The following RGS7 variants were observed in gnomAD, a reference collection of about 807,000 sequenced individuals.
RGS7 encodes the protein regulator of G-protein signaling 7.
In RGS7, 27 loss-of-function variants were observed where a neutral mutation model predicts 81.1. The ratio of observed to expected loss-of-function variants is 0.33; its 90% CI spans 0.25 to 0.46. RGS7 has a LOEUF of 0.46. Ranked by LOEUF, RGS7 falls within the 20% of genes least tolerant of loss-of-function variation. The pLI is 1.00. For synonymous variants in RGS7, 208 were observed against 207.7 expected (o/e 1.00, Z -0.01); for missense variants, 396 against 607.4 (o/e 0.65, Z 3.66).
intron 2 of RGS7, among the ~76,000 whole-genome samples, chr1:241,184,740 A>AACGC (rs1213286406): frequency 6.6e-6 from 1 of 152,190 alleles, no homozygotes; most frequent in Non-Finnish European, 1.5e-5. Flanking sequence ...TCTCATTATG[A>AACGC]ACGTGCAAAC....
intron 2 of RGS7, among the ~76,000 whole-genome samples, chr1:241,292,676 G>A (rs1056909029): frequency 6.6e-6 from 1 of 152,170 alleles, no homozygotes; most frequent in Non-Finnish European, 1.5e-5. Context: ...TTAACAGTAG[G>A]TAGATCTGTG....
At chr1:241,220,994 G>A (rs12039594) in intron 2 of RGS7, among the ~76,000 whole-genome samples, 54,336 of 93,044 alleles carry the variant, frequency 0.58, 14,658 homozygotes, top group East Asian at 0.73. Flanking sequence ...AGGAAGGAAG[G>A]AAGAGAGAGA....
At chr1:240,998,602 GC>G in intron 3 of RGS7, 1 of 850,364 alleles carries the variant, frequency 1.2e-6, no homozygotes, top group Non-Finnish European at 2.0e-6. Flanking sequence ...AGGTCCACCA[GC>G]CCCTACATTG....
chr1:240,938,821 C>CATGT (rs948533663), intron 4 of RGS7, among the ~76,000 whole-genome samples: 213 of 146,490 alleles, frequency 1.5e-3, no homozygotes, highest in African/African-American at 5.0e-3. Context: ...CAATTTTGTG[C>CATGT]GTGTGTGTGT....
chr1:241,122,620 G>T (rs761854259), intron 2 of RGS7, among the ~76,000 whole-genome samples: 1 of 148,822 alleles, frequency 6.7e-6, no homozygotes, highest in Admixed American at 6.8e-5. Flanking sequence ...CTGAGATCGC[G>T]CCATTGCACT....
intron 2 of RGS7, among the ~76,000 whole-genome samples, chr1:241,306,601 T>C (rs1314992024): frequency 2.1e-5 from 3 of 145,160 alleles, no homozygotes; most frequent in African/African-American, 7.8e-5. Flanking sequence ...CACACACACC[T>C]TCACAGGCAT....
intron 3 of RGS7, among the ~76,000 whole-genome samples, chr1:241,073,513 G>C (rs922637207): frequency 6.6e-6 from 1 of 152,214 alleles, no homozygotes; most frequent in Non-Finnish European, 1.5e-5. Flanking sequence ...CATTTTCAGA[G>C]TATAGTATTC....
intron 2 of RGS7, among the ~76,000 whole-genome samples, chr1:241,272,289 G>A (rs894134651): frequency 6.6e-5 from 10 of 151,996 alleles, no homozygotes; most frequent in East Asian, 1.9e-4. Flanking sequence ...CACTGTGCCC[G>A]GCCTGACTAC....
At chr1:240,881,778 T>C (rs190289292) in intron 6 of RGS7, among the ~76,000 whole-genome samples, 9 of 152,324 alleles carry the variant, frequency 5.9e-5, no homozygotes, top group South Asian at 2.1e-4. Flanking sequence ...TTTAATTTTC[T>C]GATACATAGT....
rs193279778 is a variant in RGS7 at position 241,282,600 on chromosome 1, G to A, written c.78+73099C>T. Among the ~76,000 whole-genome samples the A allele has an allele frequency of 3.9e-3, 589 of 152,226 alleles. 18 individuals are homozygous for A. Among genetic ancestry groups the A allele is most frequent in the East Asian group, 1.7e-3 (9 of 5,174 alleles). On this transcript the variant is annotated intron_variant, in intron 2 of 18. Coordinates refer to ENST00000440928, the MANE Select transcript of RGS7 (RefSeq NM_001364886.1). ...CACTGGCTAAAACCTCAAGCACTCT[G>A]TTGAATAAAAGTGGTAAGGATAGAC...
chr1:240,989,940 A>G (rs1419533034), intron 3 of RGS7, among the ~76,000 whole-genome samples: 1 of 152,132 alleles, frequency 6.6e-6, no homozygotes, highest in East Asian at 1.9e-4. Context: ...GGACATCTTC[A>G]TTTCTCTCTA....
At chr1:240,881,337 G>A (rs534948446) in intron 6 of RGS7, among the ~76,000 whole-genome samples, 2,459 of 150,976 alleles carry the variant, frequency 0.016, 23 homozygotes, top group Non-Finnish European at 0.027. Context: ...CATCACACAC[G>A]GGGGGCCTGT....
At chr1:240,994,072 A>G (rs1004908059) in intron 3 of RGS7, among the ~76,000 whole-genome samples, 2 of 152,220 alleles carry the variant, frequency 1.3e-5, no homozygotes, top group Non-Finnish European at 2.9e-5. Context: ...AGTTCTGTTT[A>G]CCACAGTTAT....
At chr1:241,024,618 A>T (rs768769679) in intron 3 of RGS7, among the ~76,000 whole-genome samples, 15 of 152,236 alleles carry the variant, frequency 9.9e-5, no homozygotes, top group Non-Finnish European at 2.1e-4. Flanking sequence ...AATGTCATTA[A>T]ATAGACTTAA....
At chr1:240,972,314 A>G (rs935336042) in intron 4 of RGS7, among the ~76,000 whole-genome samples, 1 of 151,510 alleles carries the variant, frequency 6.6e-6, no homozygotes, top group African/African-American at 2.4e-5. Flanking sequence ...CAACAATGAT[A>G]GACTGGATTA....
At chr1:240,784,724 T>C (rs1419140508) in intron 18 of RGS7, among the ~76,000 whole-genome samples, 1 of 151,994 alleles carries the variant, frequency 6.6e-6, no homozygotes, top group Non-Finnish European at 1.5e-5. Flanking sequence ...CCTGCTTGTT[T>C]GTCTCCAGCC....
rs184376645 is a variant in RGS7 at position 240,793,249 on chromosome 1, G to T, written c.*6+7392C>A. On this transcript the variant is annotated intron_variant, in intron 18 of 18. Transcript: ENST00000440928. Reference sequence around the variant, plus strand: ...CTTGAGCAGCAACTTAAGAACTAACGATGCTGCCAGGGGAAAATGAAGATA... The same window carrying T: ...CTTGAGCAGCAACTTAAGAACTAACTATGCTGCCAGGGGAAAATGAAGATA... 5.0e-4 allele frequency among the ~76,000 whole-genome samples: 76 copies of T among 152,206 alleles called. 1 individual carries two copies. The highest frequency in any genetic ancestry group is 1.8e-3 in the African/African-American group (75 of 41,518).
At chr1:241,274,208 C>T (rs2078072133) in intron 2 of RGS7, among the ~76,000 whole-genome samples, 1 of 152,104 alleles carries the variant, frequency 6.6e-6, no homozygotes, top group Non-Finnish European at 1.5e-5. Flanking sequence ...TAGAAAAGTT[C>T]CCACCACATC....
chr1:241,296,038 T>C (rs996229710), intron 2 of RGS7, among the ~76,000 whole-genome samples: 1 of 152,094 alleles, frequency 6.6e-6, no homozygotes, highest in Non-Finnish European at 1.5e-5. Flanking sequence ...GTCCATGGAG[T>C]ATCTTGAGAA....
Sources: allele counts gnomAD v4.1 joint callset (sites outside exome capture counted in the v4.1 genomes callset), GRCh38; gene constraint gnomAD v4.1.1; transcripts MANE v1.5; gene names NCBI Gene and HGNC (gene_info 2026-07-23, HGNC 2026-07-21).